ADIPOR1: variants seen among roughly 807,000 people sequenced by gnomAD.
ADIPOR1 encodes the protein adiponectin receptor 1.
A neutral mutation model predicts 37.5 loss-of-function variants in ADIPOR1; 15 were observed. The ratio of observed to expected loss-of-function variants is 0.40; its 90% CI spans 0.27 to 0.62. The LOEUF (loss-of-function observed/expected upper bound fraction) is 0.62. ADIPOR1 is among the 20% of genes least tolerant of loss of function. ADIPOR1 has a pLI of 0.42. For missense variants in ADIPOR1, 286 were observed against 478.0 expected, an observed-to-expected ratio of 0.60 and a Z score of 3.75; for synonymous variants, 173 against 173.2, an observed-to-expected ratio of 1.00 and a Z score of 0.01.
chr1:202,950,152 G>C (rs1654510159), intron 2 of ADIPOR1, among the ~76,000 whole-genome samples: 1 of 151,936 alleles, frequency 6.6e-6, no homozygotes, highest in African/African-American at 2.4e-5. Flanking sequence ...TAGTAGAGAG[G>C]GGGCTTCACT....
At position 202,940,906 on chromosome 1, in the gene ADIPOR1, A is replaced by G. The variant is rs1654053654; in HGVS notation, c.*667T>C. On this transcript the variant is annotated 3_prime_UTR_variant, in exon 8 of 8. Transcript: ENST00000340990. ...TTGCATCAAGATACATAGCAATGAT[A>G]GCAGGTTTCTTTTTAAAGCTTAGTA... 6.6e-6 allele frequency: 1 copy of G among 152,666 alleles called. No individual in the cohort carries two copies. Among genetic ancestry groups the G allele is most frequent in the Non-Finnish European group, 1.5e-5 (1 of 68,040 alleles). The allele number at this position is 152,666 out of a possible 1,614,324, so 9.5% of individuals were successfully genotyped here. A position where few individuals can be genotyped will look rare whatever the true frequency, so the allele number is the denominator to read the frequency against.
intron 1 of ADIPOR1, among the ~76,000 whole-genome samples, 172 bp from the exon 2 acceptor site, chr1:202,951,336 T>C (rs1179768025): frequency 6.6e-6 from 1 of 152,162 alleles, no homozygotes; most frequent in Admixed American, 6.5e-5. Flanking sequence ...AATGTCAACC[T>C]TTACCCAGAA....
At chr1:202,950,422 G>A (rs952069601) in intron 2 of ADIPOR1, among the ~76,000 whole-genome samples, 2 of 151,986 alleles carry the variant, frequency 1.3e-5, no homozygotes, top group African/African-American at 4.8e-5. Flanking sequence ...AAAATAAAAG[G>A]GAAAGAGAGG....
rs1371687811 is a variant in ADIPOR1 at position 202,943,776 on chromosome 1, G to T, written c.787C>A (p.His263Asn). The T allele has an allele frequency of 6.2e-7, 1 of 1,613,524 alleles. No individual in the cohort carries two copies. The highest frequency in any genetic ancestry group is 8.5e-7 in the Non-Finnish European group (1 of 1,179,998). Reference protein sequence around the residue: ...AQWDRFATPKHRQTRAGVFLG... With the variant: ...AQWDRFATPKNRQTRAGVFLG... The stretch of plus-strand genomic sequence containing the variant: ...GACCTACCTGCTCTTGTCTGCCGGT[G>T]CTTAGGAGTGGCAAACCGGTCCCAC... The change falls in exon 6 of 8, where the codon CAC becomes AAC. Residue 263 changes from histidine (H) to asparagine (N), a missense_variant. Transcript: ENST00000340990.
At chr1:202,946,668 A>C in intron 3 of ADIPOR1, 58 bp from the exon 4 acceptor site, 2 of 1,569,402 alleles carry the variant, frequency 1.3e-6, no homozygotes, top group South Asian at 2.2e-5. Flanking sequence ...CCCAAGGACA[A>C]GCAGTGATGG....
chr1:202,957,202 A>G (rs1654819143), intron 1 of ADIPOR1, among the ~76,000 whole-genome samples: 1 of 152,194 alleles, frequency 6.6e-6, no homozygotes, highest in Non-Finnish European at 1.5e-5. Context: ...CCCAACTACT[A>G]GGAAAAGAGA....
chr1:202,956,035 C>T (rs1456763151), intron 1 of ADIPOR1, among the ~76,000 whole-genome samples: 1 of 152,256 alleles, frequency 6.6e-6, no homozygotes, highest in Non-Finnish European at 1.5e-5. Flanking sequence ...CTCAGCCTCC[C>T]AAAGTGTTGG....
chr1:202,953,969 T>C (rs1654681555), intron 1 of ADIPOR1, among the ~76,000 whole-genome samples: 1 of 152,224 alleles, frequency 6.6e-6, no homozygotes, highest in Non-Finnish European at 1.5e-5. Context: ...GAATCCAGAT[T>C]GGCATTCTTA....
rs768728075 is a variant in ADIPOR1 at position 202,943,852 on chromosome 1, G to T, written c.711C>A (p.Ile237=). The stretch of plus-strand genomic sequence containing the variant: ...CCAGGACACAGACGATGGAGAGGTA[G>T]ATGAGCCGTGGCTGTGGGGAGCAGT... ...SFYCSPQPRL[I]YLSIVCVLGI... Residue 237 remains isoleucine (I), a synonymous_variant, in exon 6 of 8, where the codon ATC becomes ATA. Coordinates refer to ENST00000340990, the MANE Select transcript of ADIPOR1 (RefSeq NM_015999.6). 1.2e-5 allele frequency: 19 copies of T among 1,614,096 alleles called. 1 individual carries two copies. In the South Asian group the frequency reaches 1.6e-4, roughly 14 times the overall value.
intron 2 of ADIPOR1, among the ~76,000 whole-genome samples, chr1:202,949,842 G>A (rs1200756190): frequency 2.6e-5 from 4 of 152,172 alleles, no homozygotes; most frequent in South Asian, 2.1e-4. Context: ...GTTTTGTTCA[G>A]GGTGGCAATG....
At chr1:202,942,290 T>C in intron 6 of ADIPOR1, 72 bp from the exon 7 acceptor site, 1 of 1,415,774 alleles carries the variant, frequency 7.1e-7, no homozygotes, top group Non-Finnish European at 9.6e-7. Flanking sequence ...TGTCTTACTC[T>C]GGAATTTCAA....
At chr1:202,956,227 C>T (rs773916572) in intron 1 of ADIPOR1, among the ~76,000 whole-genome samples, 1 of 152,200 alleles carries the variant, frequency 6.6e-6, no homozygotes, top group South Asian at 2.1e-4. Flanking sequence ...ATTCACAAAG[C>T]GTCTAGATAT....
At chr1:202,944,895 ATAT>A in intron 5 of ADIPOR1, 85 bp downstream of exon 5, 1 of 1,295,080 alleles carries the variant, frequency 7.7e-7, no homozygotes, top group Non-Finnish European at 1.1e-6. Flanking sequence ...TTTAGGAGTG[ATAT>A]GAGCTCCTAT....
At chr1:202,957,294 T>C (rs1654821189) in intron 1 of ADIPOR1, among the ~76,000 whole-genome samples, 1 of 152,182 alleles carries the variant, frequency 6.6e-6, no homozygotes, top group Non-Finnish European at 1.5e-5. Flanking sequence ...GATGGCAGCC[T>C]ATGTATTCTC....
intron 2 of ADIPOR1, 84 bp from the exon 3 acceptor site, chr1:202,948,504 A>T: frequency 8.7e-7 from 1 of 1,151,134 alleles, no homozygotes; most frequent in East Asian, 2.4e-5. Flanking sequence ...AGAAAAACCC[A>T]AACCTAATGC....
rs780413874 is a variant in ADIPOR1, at chr1:202,951,178, C to T, written c.-94-14G>A. 3.6e-5 allele frequency: 46 copies of T among 1,265,324 alleles called. No homozygotes were observed. The highest frequency in any genetic ancestry group is 4.9e-5 in the Non-Finnish European group (44 of 902,066). The allele number at this position is 1,265,324 out of a possible 1,614,324, so 78.4% of individuals were successfully genotyped here. On this transcript the variant is annotated splice_polypyrimidine_tract_variant and intron_variant, in intron 1 of 7. Transcript: ENST00000340990. ...TGATGGTAGACACTAAAAGAAAATACAAACATGAAGGATTGACAATTTATT... is the reference window on the plus strand; with the variant it reads ...TGATGGTAGACACTAAAAGAAAATATAAACATGAAGGATTGACAATTTATT...
At chr1:202,947,476 C>G (rs911404790) in intron 3 of ADIPOR1, among the ~76,000 whole-genome samples, 2 of 151,880 alleles carry the variant, frequency 1.3e-5, no homozygotes, top group African/African-American at 2.4e-5. Flanking sequence ...GAGCTGAGAT[C>G]GTGCCACTGC....
At chr1:202,955,308 A>G (rs545751916) in intron 1 of ADIPOR1, among the ~76,000 whole-genome samples, 1 of 151,684 alleles carries the variant, frequency 6.6e-6, no homozygotes, top group South Asian at 2.1e-4. Context: ...TGTAGCCTCA[A>G]TGTGCCAGAC....
rs569819259 is a variant in ADIPOR1, at chr1:202,954,955, C to CTATAGAA, written c.-95+3229_-95+3230insTTCTATA. ...GGCCTTTAGAGAGTCTATGGGTAGC[C>CTATAGAA]TCTATCCATACCTAGCTTGATTCTT... On this transcript the variant is annotated intron_variant, in intron 1 of 7. Coordinates refer to ENST00000340990, the MANE Select transcript of ADIPOR1 (RefSeq NM_015999.6). Among the ~76,000 whole-genome samples, 25 of 152,254 alleles carry CTATAGAA rather than the reference C, an allele frequency of 1.6e-4. No individual in the cohort carries two copies. In the South Asian group the frequency reaches 5.0e-3, roughly 30 times the overall value.
Sources: gnomAD v4.1 joint callset for allele counts (sites outside exome capture counted in the v4.1 genomes callset) on GRCh38, gnomAD v4.1.1 for gene constraint, MANE v1.5 for transcripts, NCBI Gene and HGNC (gene_info 2026-07-23, HGNC 2026-07-21) for gene names.